The following SCFD1 variants were observed in gnomAD, a reference collection of about 807,000 sequenced individuals.
The protein encoded by SCFD1 is sec1 family domain containing 1.
In SCFD1, 37 loss-of-function variants were observed where a neutral mutation model predicts 103.2. The ratio of observed to expected loss-of-function variants is 0.36; its 90% confidence interval spans 0.28 to 0.47. The LOEUF is 0.47. Among genes scored for constraint, SCFD1 ranks in the 20% least tolerant of loss-of-function variants. The pLI is 1.00. For synonymous variants in SCFD1, 264 were observed against 245.0 expected, an observed-to-expected ratio of 1.08 and a Z score of -0.73; for missense variants, 639 against 761.2, an observed-to-expected ratio of 0.84 and a Z score of 1.89.
intron 21 of SCFD1, chr14:30,721,592 G>C (rs972832676): frequency 2.1e-5 from 7 of 330,848 alleles, no homozygotes; most frequent in African/African-American, 4.4e-5. Context: ...CCAGACTTAC[G>C]CTCCTCCTCG....
chr14:30,714,853 A>G (rs1347340024), intron 19 of SCFD1, among the ~76,000 whole-genome samples: 2 of 152,256 alleles, frequency 1.3e-5, no homozygotes, highest in Non-Finnish European at 2.9e-5. Context: ...AATGAACAGA[A>G]TAACACTTCA....
At chr14:30,712,127 A>G (rs1891925696) in intron 19 of SCFD1, among the ~76,000 whole-genome samples, 1 of 152,140 alleles carries the variant, frequency 6.6e-6, no homozygotes, top group African/African-American at 2.4e-5. Flanking sequence ...GCTTCACTTC[A>G]CTGGCAACTT....
At chr14:30,622,295 C>G, upstream of SCFD1, 4 of 1,592,694 alleles carry the variant, frequency 2.5e-6, no homozygotes, top group East Asian at 6.8e-5. Context: ...CACGTCATCC[C>G]CCCGCTCCGC....
chr14:30,653,557 G>T lies in SCFD1; in HGVS notation c.824G>T (p.Trp275Leu). The change falls in exon 10 of 25, where the codon TGG (tryptophan) becomes TTG (leucine). Residue 275 changes from tryptophan to leucine, a missense_variant. Transcript: ENST00000458591. ...IDLATPLHHT[W>L]TYQALVHDVL... ...TTGGCAACTCCTTTACATCATACTT[G>T]GACATATCAAGCATTGGTGCACGAT... The T allele has an allele frequency of 1.2e-6, 2 of 1,613,158 alleles. No homozygotes were observed.
chr14:30,627,041 ACAAT>A (rs928607637), intron 1 of SCFD1, among the ~76,000 whole-genome samples: 3 of 152,214 alleles, frequency 2.0e-5, no homozygotes, highest in Non-Finnish European at 4.4e-5. Flanking sequence ...AATGTTTTTA[ACAAT>A]CAACCAAGTG....
chr14:30,716,289 G>A (rs1892273986), intron 20 of SCFD1, among the ~76,000 whole-genome samples: 1 of 152,120 alleles, frequency 6.6e-6, no homozygotes, highest in African/African-American at 2.4e-5. Flanking sequence ...AAGAACCAGT[G>A]AGCATCTGTT....
intron 1 of SCFD1, among the ~76,000 whole-genome samples, chr14:30,625,540 A>T (rs1883302510): frequency 6.6e-6 from 1 of 151,992 alleles, no homozygotes; most frequent in Non-Finnish European, 1.5e-5. Flanking sequence ...ATAAAAGTAA[A>T]ATTACGTTCT....
At chr14:30,728,220 C>T (rs1374436456) in intron 23 of SCFD1, among the ~76,000 whole-genome samples, 1 of 152,178 alleles carries the variant, frequency 6.6e-6, no homozygotes, top group Non-Finnish European at 1.5e-5. Context: ...TTTTGACACA[C>T]ATTCCATCAT....
At chr14:30,717,008 G>T (rs1052325403) in intron 20 of SCFD1, among the ~76,000 whole-genome samples, 1 of 152,122 alleles carries the variant, frequency 6.6e-6, no homozygotes, top group African/African-American at 2.4e-5. Context: ...TGAAGAAAAG[G>T]TTCTTCCTGA....
chr14:30,728,947 C>T (rs1431883605), intron 23 of SCFD1, among the ~76,000 whole-genome samples: 2 of 150,536 alleles, frequency 1.3e-5, no homozygotes, highest in Non-Finnish European at 2.9e-5. Flanking sequence ...AGGGTTCAAG[C>T]GATTCTCCTG....
chr14:30,665,362 A>G (rs1436671479), intron 10 of SCFD1, among the ~76,000 whole-genome samples: 1 of 152,224 alleles, frequency 6.6e-6, no homozygotes, highest in East Asian at 1.9e-4. Flanking sequence ...TGTCACTACC[A>G]GGCCTGCCTT....
chr14:30,710,205 T>C (rs1035056655), intron 19 of SCFD1, among the ~76,000 whole-genome samples: 2 of 152,052 alleles, frequency 1.3e-5, no homozygotes, highest in African/African-American at 4.8e-5. Flanking sequence ...TCTCTGTTTT[T>C]TTAATATTGC....
intron 10 of SCFD1, among the ~76,000 whole-genome samples, chr14:30,654,195 A>G (rs1444191499): frequency 2.6e-5 from 4 of 152,212 alleles, no homozygotes; most frequent in East Asian, 3.8e-4. Context: ...TAATTTCTCT[A>G]TGAGACACTA....
intron 10 of SCFD1, among the ~76,000 whole-genome samples, chr14:30,666,902 A>G (rs574682396): frequency 6.4e-4 from 98 of 152,324 alleles, no homozygotes; most frequent in African/African-American, 2.2e-3. Flanking sequence ...AAATTGAGGC[A>G]GTAATCAATA....
chr14:30,707,715 A>G (rs1349001824), intron 18 of SCFD1: 2 of 416,798 alleles, frequency 4.8e-6, no homozygotes, highest in Non-Finnish European at 4.5e-6. Flanking sequence ...TAGGAAATTA[A>G]GATGTTTATT....
In SCFD1 at chr14:30,696,460, GATTTATCCCTAAAGAT is replaced by G. The variant is rs560261343; in HGVS notation, c.1339+1597_1339+1612del. ...CTTTTTCCTTTCCCCTTTCTCAAAC[GATTTATCCCTAAAGAT>G]ATTTAAGTAGGATAGAGCAAGGTAG... On this transcript the variant is annotated intron_variant, in intron 15 of 24. Coordinates refer to ENST00000458591, the MANE Select transcript of SCFD1 (RefSeq NM_016106.4). Among the ~76,000 whole-genome samples the G allele has an allele frequency of 3.6e-3, 555 of 152,206 alleles. 3 individuals carry two copies. Among genetic ancestry groups the G allele is most frequent in the African/African-American group, 0.013 (534 of 41,534 alleles).
At chr14:30,726,020 G>T (rs916227160) in intron 23 of SCFD1, among the ~76,000 whole-genome samples, 1 of 152,104 alleles carries the variant, frequency 6.6e-6, no homozygotes, top group African/African-American at 2.4e-5. Flanking sequence ...TGTTCCCGGG[G>T]ATAAACACAT....
At chr14:30,628,037 G>T (rs77801125) in intron 1 of SCFD1, among the ~76,000 whole-genome samples, 172 bp from the exon 2 acceptor site, 13 of 152,176 alleles carry the variant, frequency 8.5e-5, no homozygotes, top group African/African-American at 2.9e-4. Context: ...ATTAGCTGTC[G>T]ATGGAATAGT....
intron 14 of SCFD1, among the ~76,000 whole-genome samples, chr14:30,684,077 T>C (rs540294140): frequency 2.0e-5 from 3 of 152,330 alleles, no homozygotes; most frequent in South Asian, 2.1e-4. Flanking sequence ...CAATTACTTA[T>C]AGGAAGGAAA....
Sources: allele counts gnomAD v4.1 joint callset (sites outside exome capture counted in the v4.1 genomes callset), GRCh38; gene constraint gnomAD v4.1.1; transcripts MANE v1.5; gene names NCBI Gene and HGNC (gene_info 2026-07-23, HGNC 2026-07-21).